The following PLAG1 variants were observed in gnomAD, a reference collection of about 807,000 sequenced individuals.
PLAG1 encodes zinc finger protein PLAG1.
Under a neutral mutation model 35.5 loss-of-function variants are expected in PLAG1, and 7 were observed. The ratio of observed to expected loss-of-function variants is 0.20; its 90% CI spans 0.11 to 0.37. The LOEUF is 0.37. Among genes scored for constraint, PLAG1 ranks in the 10% least tolerant of loss-of-function variants. PLAG1 has a pLI of 1.00. For missense variants in PLAG1, 454 were observed against 602.8 expected, an observed-to-expected ratio of 0.75 and a Z score of 2.58; for synonymous variants, 229 against 225.4, an observed-to-expected ratio of 1.02 and a Z score of -0.14.
rs761598720 is a variant in PLAG1 at position 56,194,082 on chromosome 8, G to A, written c.-321-14569C>T. On this transcript the variant is annotated intron_variant, in intron 1 of 4. Coordinates refer to ENST00000316981, the MANE Select transcript of PLAG1 (RefSeq NM_002655.3). ...TAATCTCAGCACTTTGATAAGCTAA[G>A]ACTGTTGGATCACTTTAGGCTAGCA... Among the ~76,000 whole-genome samples, 39 of 152,188 alleles carry A rather than the reference G, an allele frequency of 2.6e-4. 3 individuals carry two copies. Among genetic ancestry groups the A allele is most frequent in the South Asian group, 2.1e-4 (1 of 4,814 alleles).
intron 1 of PLAG1, among the ~76,000 whole-genome samples, chr8:56,196,951 CGTGTGTGTGTGTGTGTGT>C (rs10534078): frequency 7.0e-6 from 1 of 142,960 alleles, no homozygotes; most frequent in Admixed American, 6.8e-5. Context: ...CCCTAGTGTG[CGTGTGTGTGTGTGTGTGT>C]GTGTGTGTGT....
chr8:56,164,338 A>ATT lies in PLAG1; in HGVS notation c.*1903_*1904dup, dbSNP rs2094473184. The ATT allele has an allele frequency of 4.8e-6, 1 of 208,288 alleles. No individual in the cohort carries two copies. The highest frequency in any genetic ancestry group is 6.9e-5 in the East Asian group (1 of 14,432). The allele number at this position is 208,288 out of a possible 1,614,324, so 12.9% of individuals were successfully genotyped here. A position where few individuals can be genotyped will look rare whatever the true frequency, so the allele number is the denominator to read the frequency against. On this transcript the variant is annotated 3_prime_UTR_variant, in exon 5 of 5. Transcript: ENST00000316981. ...TGTGTGCATGTGTGTGTGTGTGTGTATTATATATATATATTGAAGCCCCCA... is the reference window on the plus strand; with the variant it reads ...TGTGTGCATGTGTGTGTGTGTGTGTATTTTATATATATATATTGAAGCCCCCA...
chr8:56,169,492 C>T (rs1031190153), intron 3 of PLAG1, among the ~76,000 whole-genome samples: 1 of 152,020 alleles, frequency 6.6e-6, no homozygotes, highest in African/African-American at 2.4e-5. Flanking sequence ...AGAAAACCAA[C>T]TCCTCAAAGT....
rs374576950 is a variant in PLAG1 at position 56,207,469 on chromosome 8, T to G, written c.-322+3652A>C. 2.2e-4 allele frequency among the ~76,000 whole-genome samples: 33 copies of G among 152,102 alleles called. No individual in the cohort carries two copies. In the East Asian group the frequency reaches 6.2e-3, roughly 28 times the overall value. ...TTTAAAACTATACTGATAAAGCAAA[T>G]TCACTAATTTATTTTGCTATAAATA... On this transcript the variant is annotated intron_variant, in intron 1 of 4. Transcript: ENST00000316981.
Position 56,163,279 on chromosome 8 carries a change from C to T in PLAG1, c.*2964G>A. ...ACCAGAAATTTCAAGGATAATGATT[C>T]TGGCCACTAGAGAATGAAAACAGCA... On this transcript the variant is annotated 3_prime_UTR_variant, in exon 5 of 5. Transcript: ENST00000316981. 1 of 125,386 alleles carries T rather than the reference C, an allele frequency of 8.0e-6. No individual in the cohort carries two copies. The highest frequency in any genetic ancestry group is 1.8e-4 in the East Asian group (1 of 5,432). The allele number at this position is 125,386 out of a possible 1,614,324, so 7.8% of individuals were successfully genotyped here.
chr8:56,168,390 G>GA lies in PLAG1; in HGVS notation c.-117-5dup, dbSNP rs1023307529. Reference sequence around the variant, plus strand: ...CGTAAAAGAAAGCAAAAAGGGACTGGAAAAAAAAATAAGAAACAACTAGTT... The same window carrying GA: ...CGTAAAAGAAAGCAAAAAGGGACTGGAAAAAAAAAATAAGAAACAACTAGTT... On this transcript the variant is annotated splice_polypyrimidine_tract_variant and splice_region_variant and intron_variant, in intron 3 of 4. Coordinates refer to ENST00000316981, the MANE Select transcript of PLAG1 (RefSeq NM_002655.3). 1,506 of 1,256,526 alleles carry GA rather than the reference G, an allele frequency of 1.2e-3. No individual in the cohort carries two copies. Among genetic ancestry groups the GA allele is most frequent in the South Asian group, 1.4e-3 (51 of 35,332 alleles). The allele number at this position is 1,256,526 out of a possible 1,614,324, so 77.8% of individuals were successfully genotyped here.
Position 56,165,263 on chromosome 8 carries a change from A to G in PLAG1, c.*980T>C. 4.7e-6 allele frequency: 1 copy of G among 213,812 alleles called. No individual in the cohort carries two copies. 13.2% of individuals were successfully genotyped at this position (213,812 alleles called of 1,614,324 possible). A position where few individuals can be genotyped will look rare whatever the true frequency, so the allele number is the denominator to read the frequency against. ...CTTCCTGCTTAGAAGTCTGTCACCC[A>G]CAGAGGCTGAGTCAATCCACTGTGG... On this transcript the variant is annotated 3_prime_UTR_variant, in exon 5 of 5. Transcript: ENST00000316981.
chr8:56,181,767 G>A (rs1324610493), intron 1 of PLAG1, among the ~76,000 whole-genome samples: 1 of 152,136 alleles, frequency 6.6e-6, no homozygotes, highest in African/African-American at 2.4e-5. Context: ...AAATATAAAT[G>A]TTAAATAAGA....
chr8:56,200,868 T>C (rs1282371687), intron 1 of PLAG1, among the ~76,000 whole-genome samples: 1 of 152,258 alleles, frequency 6.6e-6, no homozygotes, highest in African/African-American at 2.4e-5. Flanking sequence ...AACAATGCTC[T>C]GGGATCTCTT....
Position 56,165,830 on chromosome 8 carries a change from A to C in PLAG1, c.*413T>G. The stretch of plus-strand genomic sequence containing the variant: ...ATTTAAACCCTTGAGTTATTCACAA[A>C]CTTTTTATACAATTTACATTCTATT... On this transcript the variant is annotated 3_prime_UTR_variant, in exon 5 of 5. Transcript: ENST00000316981. 1 of 197,012 alleles carries C rather than the reference A, an allele frequency of 5.1e-6. No homozygotes were observed. Among genetic ancestry groups the C allele is most frequent in the Non-Finnish European group, 1.1e-5 (1 of 95,096 alleles). The allele number at this position is 197,012 out of a possible 1,614,324, so 12.2% of individuals were successfully genotyped here.
intron 1 of PLAG1, among the ~76,000 whole-genome samples, chr8:56,187,054 G>A (rs1812041153): frequency 6.6e-6 from 1 of 152,180 alleles, no homozygotes. Flanking sequence ...AGCCTTTGCA[G>A]TGTTTGCTGA....
At chr8:56,168,675 T>C (rs1811426906) in intron 3 of PLAG1, among the ~76,000 whole-genome samples, 2 of 152,204 alleles carry the variant, frequency 1.3e-5, no homozygotes, top group South Asian at 2.1e-4. Context: ...TCATGAAGAA[T>C]CAAAACATGA....
Position 56,194,426 on chromosome 8 carries a change from T to A in PLAG1, c.-321-14913A>T, listed in dbSNP as rs372865178. On this transcript the variant is annotated intron_variant, in intron 1 of 4. Coordinates refer to ENST00000316981, the MANE Select transcript of PLAG1 (RefSeq NM_002655.3). Reference sequence around the variant, plus strand: ...TTAACTAATAAAGGTGGAGAATAAATGAGCGTAGCAAGATCAAGGAGCTGT... The same window carrying A: ...TTAACTAATAAAGGTGGAGAATAAAAGAGCGTAGCAAGATCAAGGAGCTGT... Among the ~76,000 whole-genome samples the A allele has an allele frequency of 2.6e-5, 4 of 151,970 alleles. No homozygotes were observed. In the East Asian group the frequency reaches 7.7e-4, roughly 29 times the overall value.
At chr8:56,198,701 G>A (rs181364967) in intron 1 of PLAG1, among the ~76,000 whole-genome samples, 3 of 152,230 alleles carry the variant, frequency 2.0e-5, no homozygotes, top group South Asian at 4.2e-4. Context: ...TCATCATTCA[G>A]GCCTCTATAC....
At chr8:56,178,270 C>T (rs1016348391) in intron 2 of PLAG1, among the ~76,000 whole-genome samples, 11 of 151,868 alleles carry the variant, frequency 7.2e-5, no homozygotes, top group African/African-American at 2.2e-4. Flanking sequence ...AAGGAGAAAA[C>T]CTGCATAAAT....
chr8:56,161,553 G>A lies in PLAG1; in HGVS notation c.*4690C>T, dbSNP rs1811200953. 4.4e-6 allele frequency: 1 copy of A among 228,486 alleles called. No individual in the cohort carries two copies. Among genetic ancestry groups the A allele is most frequent in the South Asian group, 1.8e-4 (1 of 5,492 alleles). 14.2% of individuals were successfully genotyped at this position (228,486 alleles called of 1,614,324 possible). On this transcript the variant is annotated 3_prime_UTR_variant, in exon 5 of 5. Transcript: ENST00000316981. ...AGCCCACTTTCCATTCTGAGTTACA[G>A]TCACCTTGTGGACAAAAGCTGGGTT...
intron 3 of PLAG1, among the ~76,000 whole-genome samples, chr8:56,170,212 C>G (rs952112975): frequency 1.3e-5 from 2 of 152,166 alleles, no homozygotes; most frequent in Admixed American, 1.3e-4. Context: ...ACAGGCAAGG[C>G]CTTTGTGCTA....
At chr8:56,173,235 TAC>T (rs1471432408) in intron 2 of PLAG1, among the ~76,000 whole-genome samples, 2 of 152,290 alleles carry the variant, frequency 1.3e-5, no homozygotes, top group African/African-American at 4.8e-5. Flanking sequence ...CTATGTATTT[TAC>T]AGTCTAAAAT....
At chr8:56,169,302 G>A (rs552942550) in intron 3 of PLAG1, among the ~76,000 whole-genome samples, 4 of 152,216 alleles carry the variant, frequency 2.6e-5, no homozygotes, top group African/African-American at 9.6e-5. Context: ...AGGTGTTTAA[G>A]GTTGGTAAAA....
Sources: gnomAD v4.1 joint callset for allele counts (sites outside exome capture counted in the v4.1 genomes callset) on GRCh38, gnomAD v4.1.1 for gene constraint, MANE v1.5 for transcripts, NCBI Gene and HGNC (gene_info 2026-07-23, HGNC 2026-07-21) for gene names.